Variants in JMJD1C observed in about 807,000 individuals in gnomAD.
JMJD1C encodes jumonji domain containing 1C.
A neutral mutation model predicts 245.3 loss-of-function variants in JMJD1C; 31 were observed. The observed-to-expected ratio is 0.13, with a 90% CI of 0.09 to 0.17. JMJD1C has a LOEUF of 0.17. Ranked by LOEUF, JMJD1C falls within the 10% of genes least tolerant of loss-of-function variation. The probability of loss-of-function intolerance (pLI) is 1.00; values close to 1 mark genes in which losing one functional copy is unlikely to be tolerated. For synonymous variants in JMJD1C, 1,057 were observed against 1,017.4 expected (o/e 1.04, Z -0.74); for missense variants, 2,691 against 3,000.2 (o/e 0.90, Z 2.41).
At chr10:63,422,178 G>A (rs1047326510) in intron 1 of JMJD1C, among the ~76,000 whole-genome samples, 10 of 152,188 alleles carry the variant, frequency 6.6e-5, no homozygotes, top group Admixed American at 3.3e-4. Context: ...TTGGAAGATC[G>A]AGGTGGGTGG....
intron 1 of JMJD1C, among the ~76,000 whole-genome samples, chr10:63,440,365 T>TATATAGAGAG (rs749850334): frequency 7.2e-6 from 1 of 138,248 alleles, no homozygotes; most frequent in Non-Finnish European, 1.5e-5. Context: ...TATATATATA[T>TATATAGAGAG]AGAGAGAGAG....
chr10:63,352,146 A>G (rs1200253868), intron 2 of JMJD1C, among the ~76,000 whole-genome samples: 1 of 152,254 alleles, frequency 6.6e-6, no homozygotes, highest in Non-Finnish European at 1.5e-5. Context: ...GATACAGATT[A>G]ACACAGACTA....
rs745338624 is a variant in JMJD1C at position 63,194,243 on chromosome 10, A to G, written c.5734+43T>C. 8.3e-6 allele frequency: 10 copies of G among 1,209,930 alleles called. No individual in the cohort carries two copies. The African/African-American group carries it at 1.3e-4, about 16-fold the overall frequency. 74.9% of individuals were successfully genotyped at this position (1,209,930 alleles called of 1,614,324 possible). Reference sequence around the variant, plus strand: ...TCCTTTAAGTGTTTCCTTAATCTGGAGCAACCAAGAGCAGTTATATTACAT... The same window carrying G: ...TCCTTTAAGTGTTTCCTTAATCTGGGGCAACCAAGAGCAGTTATATTACAT... On this transcript the variant is annotated intron_variant, in intron 14 of 25. Coordinates refer to ENST00000399262, the MANE Select transcript of JMJD1C (RefSeq NM_032776.3).
chr10:63,307,071 A>G (rs1219125827), intron 2 of JMJD1C, among the ~76,000 whole-genome samples: 1 of 152,248 alleles, frequency 6.6e-6, no homozygotes, highest in Admixed American at 6.5e-5. Context: ...ATTTATCTCA[A>G]AAGAGGTATT....
intron 2 of JMJD1C, among the ~76,000 whole-genome samples, chr10:63,295,159 C>G (rs905632478): frequency 2.5e-4 from 38 of 152,152 alleles, no homozygotes; most frequent in Admixed American, 1.4e-3. Context: ...TTGATCATGG[C>G]TCAGTCTCAC....
chr10:63,348,088 T>C (rs1275321831), intron 2 of JMJD1C, among the ~76,000 whole-genome samples: 1 of 151,730 alleles, frequency 6.6e-6, no homozygotes, highest in Non-Finnish European at 1.5e-5. Context: ...TGGTGGCGCA[T>C]GCTTGCAATC....
chr10:63,425,635 T>C (rs1179495274), intron 1 of JMJD1C, among the ~76,000 whole-genome samples: 2 of 151,838 alleles, frequency 1.3e-5, no homozygotes, highest in African/African-American at 4.8e-5. Context: ...TAAAAAAAAT[T>C]AGCCAGGCAT....
At chr10:63,295,374 C>T (rs1202795110) in intron 2 of JMJD1C, among the ~76,000 whole-genome samples, 2 of 151,790 alleles carry the variant, frequency 1.3e-5, no homozygotes, top group African/African-American at 4.8e-5. Context: ...CCCAAAGTCA[C>T]AGGTGTGAGC....
Position 63,445,891 on chromosome 10 carries a change from T to TC in JMJD1C, c.168+19603dup, listed in dbSNP as rs1554940075. ...TTTTTTTTTTTTTTTTTTTTTTTTT[T>TC]CCAGACAGAGTCTCACTCTGGTTAC... On this transcript the variant is annotated intron_variant, in intron 1 of 25. Coordinates refer to ENST00000399262, the MANE Select transcript of JMJD1C (RefSeq NM_032776.3). Among the ~76,000 whole-genome samples, 178 of 115,166 alleles carry TC rather than the reference T, an allele frequency of 1.5e-3. 6 individuals carry two copies. The highest frequency in any genetic ancestry group is 5.6e-3 in the East Asian group (21 of 3,718). The allele number at this position is 115,166 out of a possible 152,430, so 75.6% of individuals were successfully genotyped here.
At chr10:63,280,005 C>G (rs1589373243) in intron 2 of JMJD1C, among the ~76,000 whole-genome samples, 1 of 150,924 alleles carries the variant, frequency 6.6e-6, no homozygotes, top group East Asian at 2.0e-4. Flanking sequence ...CAAAAACTAC[C>G]TGGAGTGTGG....
At chr10:63,322,930 T>C (rs571753951) in intron 2 of JMJD1C, among the ~76,000 whole-genome samples, 4 of 151,492 alleles carry the variant, frequency 2.6e-5, no homozygotes, top group South Asian at 2.1e-4. Context: ...ATATTAACAA[T>C]TGTTTACGTA....
intron 2 of JMJD1C, among the ~76,000 whole-genome samples, chr10:63,362,982 C>G (rs1378551783): frequency 4.6e-5 from 7 of 152,096 alleles, no homozygotes; most frequent in African/African-American, 1.7e-4. Context: ...GGGACCTTCA[C>G]TTTCCCTGAG....
At chr10:63,514,256 C>G (rs192959116) in intron 1 of JMJD1C, among the ~76,000 whole-genome samples, 1 of 152,248 alleles carries the variant, frequency 6.6e-6, no homozygotes, top group Non-Finnish European at 1.5e-5. Flanking sequence ...AACTACCACT[C>G]GACCCAGCAA....
chr10:63,510,556 T>G lies in JMJD1C; in HGVS notation n.113+11182A>C, dbSNP rs536638790. Among the ~76,000 whole-genome samples, 4 of 152,378 alleles carry G rather than the reference T, an allele frequency of 2.6e-5. No individual in the cohort carries two copies. In the South Asian group the frequency reaches 8.3e-4, roughly 32 times the overall value. The stretch of plus-strand genomic sequence containing the variant: ...GTTTCTATTTAATTTTATTGTGCTT[T>G]GAGAACAGATATGGCATGATCTCTA... On this transcript the variant is annotated intron_variant and non_coding_transcript_variant, in intron 1 of 3. Transcript: ENST00000633035.
chr10:63,348,254 T>C (rs549779467), intron 2 of JMJD1C, among the ~76,000 whole-genome samples: 1 of 150,200 alleles, frequency 6.7e-6, no homozygotes, highest in South Asian at 2.1e-4. Context: ...CATCAAAAAG[T>C]CCTGGCATTT....
At chr10:63,464,596 G>T (rs904445042) in intron 1 of JMJD1C, among the ~76,000 whole-genome samples, 1 of 151,892 alleles carries the variant, frequency 6.6e-6, no homozygotes, top group African/African-American at 2.4e-5. Flanking sequence ...CTGTCCCTCA[G>T]TGAGAATGTA....
intron 1 of JMJD1C, among the ~76,000 whole-genome samples, chr10:63,488,167 T>C (rs1015076686): frequency 6.6e-6 from 1 of 152,120 alleles, no homozygotes; most frequent in Non-Finnish European, 1.5e-5. Context: ...GCACACAAAG[T>C]ACACACAGCC....
chr10:63,337,624 A>AAAAGAAAAAGAAAAGAAAAAG (rs139374030), intron 2 of JMJD1C, among the ~76,000 whole-genome samples: 1 of 60,224 alleles, frequency 1.7e-5, no homozygotes, highest in Non-Finnish European at 3.3e-5. Context: ...AAAAGAAAAG[A>AAAAGAAAAAGAAAAGAAAAAG]AAAAGAAAAG....
intron 1 of JMJD1C, among the ~76,000 whole-genome samples, chr10:63,393,314 G>A (rs941733923): frequency 3.3e-5 from 5 of 152,050 alleles, no homozygotes; most frequent in African/African-American, 1.2e-4. Flanking sequence ...AATCATCAGG[G>A]AAATGTATAT....
Sources: allele counts gnomAD v4.1 joint callset (sites outside exome capture counted in the v4.1 genomes callset), GRCh38; gene constraint gnomAD v4.1.1; transcripts MANE v1.5; gene names NCBI Gene and HGNC (gene_info 2026-07-23, HGNC 2026-07-21).